CCDC14: variants seen among roughly 807,000 people sequenced by gnomAD.
CCDC14 encodes coiled-coil domain containing 14.
Under a neutral mutation model 81.4 loss-of-function variants are expected in CCDC14, and 71 were observed. The ratio of observed to expected loss-of-function variants is 0.87; its 90% CI spans 0.72 to 1.06. The LOEUF is 1.06. CCDC14 is among the 50% of genes least tolerant of loss of function. The pLI, the probability that CCDC14 is intolerant of heterozygous loss-of-function variation, is 0.00. For synonymous variants in CCDC14, 332 were observed against 364.8 expected (o/e 0.91, Z 1.03); for missense variants, 1,046 against 1,047.3 (o/e 1.00, Z 0.02).
At chr3:123,936,218 T>C (rs2036048051) in intron 9 of CCDC14, among the ~76,000 whole-genome samples, 1 of 152,136 alleles carries the variant, frequency 6.6e-6, no homozygotes, top group South Asian at 2.1e-4. Context: ...AAATATTCTA[T>C]TTAAAATGAT....
At chr3:123,912,073 C>T (rs900006340), downstream of CCDC14, among the ~76,000 whole-genome samples, 10 of 152,158 alleles carry the variant, frequency 6.6e-5, no homozygotes, top group African/African-American at 2.2e-4. Context: ...ATGGTGTTCA[C>T]AACTACTAAA....
intron 12 of CCDC14, among the ~76,000 whole-genome samples, chr3:123,919,917 T>G (rs1364774836): frequency 1.3e-5 from 2 of 152,086 alleles, no homozygotes; most frequent in Admixed American, 6.6e-5. Context: ...GCACCAATAA[T>G]GGACTCTAAA....
downstream of CCDC14, among the ~76,000 whole-genome samples, chr3:123,912,971 A>C (rs60809803): frequency 8.4e-3 from 1,286 of 152,252 alleles, 13 homozygotes; most frequent in African/African-American, 0.028. Flanking sequence ...TGACTTTCTA[A>C]GGGGGAAACA....
chr3:123,948,302 T>C (rs1260295106), intron 7 of CCDC14, among the ~76,000 whole-genome samples: 1 of 151,678 alleles, frequency 6.6e-6, no homozygotes, highest in African/African-American at 2.4e-5. Context: ...AGTGGCGCGA[T>C]CTCACTCACT....
intron 12 of CCDC14, among the ~76,000 whole-genome samples, chr3:123,922,996 A>G (rs889157088): frequency 1.3e-5 from 2 of 152,162 alleles, no homozygotes; most frequent in Non-Finnish European, 2.9e-5. Flanking sequence ...CTACAGGTCA[A>G]TATCTCTGAT....
intron 10 of CCDC14, 111 bp from the exon 11 acceptor site, chr3:123,931,637 T>C (rs2035724783): frequency 3.2e-6 from 2 of 626,964 alleles, no homozygotes; most frequent in South Asian, 4.6e-5. Context: ...TTATTGATTT[T>C]GTTTAACGAT....
intron 8 of CCDC14, 149 bp downstream of exon 8, chr3:123,946,654 A>C: frequency 3.9e-6 from 3 of 776,424 alleles, no homozygotes; most frequent in Non-Finnish European, 6.1e-6. Flanking sequence ...AACTTAAAAA[A>C]TAATACAATA....
Position 123,915,274 on chromosome 3 carries a change from C to A in CCDC14, c.2223G>T (p.Lys741Asn). 6.2e-7 allele frequency: 1 copy of A among 1,613,880 alleles called. No individual in the cohort carries two copies. Reference sequence around the variant, plus strand: ...ATAGTCTCTTAGAAAGTGGTGATTTCTTTTCAGGAGTGCTTCTAGCAAAAG... The same window carrying A: ...ATAGTCTCTTAGAAAGTGGTGATTTATTTTCAGGAGTGCTTCTAGCAAAAG... ...YIPFARSTPEKKSPLSKRLSP... is the reference protein window; with the variant it reads ...YIPFARSTPENKSPLSKRLSP... Residue 741 changes from lysine to asparagine, a missense_variant, in exon 13 of 13, where the codon AAG (lysine) becomes AAT (asparagine). Lys to Asn is a moderately conservative substitution (Grantham distance 94). Transcript: ENST00000409697.
the CCDC14 span, among the ~76,000 whole-genome samples, chr3:123,892,044 A>C: frequency 1.3e-5 from 2 of 152,216 alleles, no homozygotes; most frequent in African/African-American, 4.8e-5. Context: ...TTTTAAAACC[A>C]TCAGGTCTCG....
chr3:123,929,855 CAT>C (rs1304109626), intron 12 of CCDC14, among the ~76,000 whole-genome samples: 1 of 152,170 alleles, frequency 6.6e-6, no homozygotes, highest in East Asian at 1.9e-4. Flanking sequence ...GGAATCACAC[CAT>C]ATGTGGCCTT....
intron 5 of CCDC14, chr3:123,953,430 C>T (rs890468600): frequency 6.6e-6 from 1 of 152,242 alleles, no homozygotes; most frequent in African/African-American, 2.4e-5. Flanking sequence ...TCCACCATAT[C>T]ACCCCAATGG....
rs774597677 is a variant in CCDC14, at chr3:123,944,838, GC to G, written c.1343+10del. On this transcript the variant is annotated intron_variant, in intron 9 of 12. Coordinates refer to ENST00000409697, the MANE Select transcript of CCDC14 (RefSeq NM_001366335.1). Reference sequence around the variant, plus strand: ...GCATACAGACAAAAATATTCAAAGAGCAATTCTTACCTTCGTAACTGAGCAT... The same window carrying G: ...GCATACAGACAAAAATATTCAAAGAGAATTCTTACCTTCGTAACTGAGCAT... 1 of 1,596,556 alleles carries G rather than the reference GC, an allele frequency of 6.3e-7. No homozygotes were observed. The highest frequency in any genetic ancestry group is 8.6e-7 in the Non-Finnish European group (1 of 1,168,000).
intron 12 of CCDC14, among the ~76,000 whole-genome samples, chr3:123,929,074 G>T (rs2035551793): frequency 6.6e-6 from 1 of 152,124 alleles, no homozygotes; most frequent in Non-Finnish European, 1.5e-5. Flanking sequence ...ATTGTGAGAA[G>T]GAAGGAAAAC....
At chr3:123,943,454 A>G (rs1457001821) in intron 9 of CCDC14, among the ~76,000 whole-genome samples, 2 of 152,056 alleles carry the variant, frequency 1.3e-5, no homozygotes, top group African/African-American at 4.8e-5. Context: ...GGAACTAAAA[A>G]TATACTCTAA....
At chr3:123,961,072 A>C (rs2037656326) in intron 1 of CCDC14, 72 bp downstream of exon 1, 2 of 1,308,930 alleles carry the variant, frequency 1.5e-6, no homozygotes, top group Non-Finnish European at 2.1e-6. Context: ...AGAGTTTTAC[A>C]AGTTCCTGGC....
At chr3:123,901,372 ATAAT>A (rs1285981850) in intron 5 of CCDC14, among the ~76,000 whole-genome samples, 1 of 152,246 alleles carries the variant, frequency 6.6e-6, no homozygotes, top group Non-Finnish European at 1.5e-5. Flanking sequence ...AACAGAATAA[ATAAT>A]TAATGATTAC....
chr3:123,917,601 C>CTAGTATTTAAGTGGT (rs1362950742), intron 12 of CCDC14, among the ~76,000 whole-genome samples: 1 of 151,454 alleles, frequency 6.6e-6, no homozygotes, highest in African/African-American at 2.4e-5. Context: ...AGCCAATAAG[C>CTAGTATTTAAGTGGT]ATGCTTTAAG....
intron 12 of CCDC14, among the ~76,000 whole-genome samples, chr3:123,918,444 T>G (rs929745226): frequency 2.0e-5 from 3 of 152,172 alleles, no homozygotes; most frequent in African/African-American, 7.2e-5. Flanking sequence ...GTCCCCCTCA[T>G]AGAAATCGAA....
In CCDC14 at chr3:123,915,083, T is replaced by C; in HGVS notation, c.2414A>G (p.Asp805Gly). 6.2e-7 allele frequency: 1 copy of C among 1,614,040 alleles called. No individual in the cohort carries two copies. ...EKLSRASDMKDTQLLKKIKEA... is the reference protein window; with the variant it reads ...EKLSRASDMKGTQLLKKIKEA... ...CTTTATTTTCTTGAGGAGCTGTGTG[T>C]CCTTCATATCAGATGCTCTGGAAAG... Residue 805 changes from aspartate to glycine, a missense_variant, in exon 13 of 13, where the codon GAC (aspartate) becomes GGC (glycine). By Grantham distance (94) the Asp-to-Gly change is moderately conservative. Transcript: ENST00000409697.
Sources: gnomAD v4.1 joint callset for allele counts (sites outside exome capture counted in the v4.1 genomes callset) on GRCh38, gnomAD v4.1.1 for gene constraint, MANE v1.5 for transcripts, NCBI Gene and HGNC (gene_info 2026-07-23, HGNC 2026-07-21) for gene names.